Variants in C10orf90 observed in about 807,000 individuals in gnomAD.
C10orf90 encodes (E2-independent) E3 ubiquitin-conjugating enzyme FATS.
Under a neutral mutation model 62.5 loss-of-function variants are expected in C10orf90, and 56 were observed. The ratio of observed to expected loss-of-function variants is 0.90; its 90% CI spans 0.72 to 1.12. The LOEUF (loss-of-function observed/expected upper bound fraction) is 1.12. C10orf90 is among the 50% of genes most tolerant of loss of function. The pLI is 0.00. For synonymous variants in C10orf90, 386 were observed against 340.4 expected, an observed-to-expected ratio of 1.13 and a Z score of -1.47; for missense variants, 970 against 880.4, an observed-to-expected ratio of 1.10 and a Z score of -1.29.
intron 1 of C10orf90, among the ~76,000 whole-genome samples, chr10:126,649,912 G>A (rs927165472): frequency 2.6e-5 from 4 of 151,700 alleles, no homozygotes; most frequent in African/African-American, 9.7e-5. Context: ...GAAGAAAGGA[G>A]AGGAGAAAAG....
At chr10:126,517,707 C>T (rs948531973) in intron 2 of C10orf90, among the ~76,000 whole-genome samples, 5 of 152,044 alleles carry the variant, frequency 3.3e-5, no homozygotes, top group South Asian at 2.1e-4. Flanking sequence ...GTCAAGAGAT[C>T]GAGACCATCC....
chr10:126,504,253 C>T lies in C10orf90; in HGVS notation c.1238G>A (p.Ser413Asn), dbSNP rs1193540903. 4 of 1,614,044 alleles carry T rather than the reference C, an allele frequency of 2.5e-6. No homozygotes were observed. Among genetic ancestry groups the T allele is most frequent in the Non-Finnish European group, 3.4e-6 (4 of 1,180,046 alleles). ...VDGLVNREPISEALKQELLEG... is the reference protein window; with the variant it reads ...VDGLVNREPINEALKQELLEG... ...CAGGAGCTCCTGCTTCAGGGCTTCG[C>T]TTATTGGCTCTCTGTTCACTAGGCC... The change falls in exon 4 of 10, where the codon AGC becomes AAC. Residue 413 changes from serine to asparagine, a missense_variant. Transcript: ENST00000488181. This position sits in a 1 kb window ranked among gnomAD's most constrained non-coding sequence, Gnocchi z 4.1.
intron 4 of C10orf90, among the ~76,000 whole-genome samples, chr10:126,489,828 C>G (rs893811673): frequency 6.7e-6 from 1 of 150,178 alleles, no homozygotes; most frequent in South Asian, 2.1e-4. Context: ...GTGGTAGCAA[C>G]CCAAGTGTCC....
intron 2 of C10orf90, among the ~76,000 whole-genome samples, chr10:126,609,352 G>A (rs181328956): frequency 3.2e-3 from 485 of 152,276 alleles, no homozygotes; most frequent in African/African-American, 7.4e-3. Context: ...GCAGTGAGCC[G>A]AGATCGCGCC....
intron 2 of C10orf90, among the ~76,000 whole-genome samples, chr10:126,561,668 T>G (rs1450613566): frequency 6.6e-6 from 1 of 152,092 alleles, no homozygotes; most frequent in African/African-American, 2.4e-5. Flanking sequence ...GAACTGCAGC[T>G]GCAAATTAAA....
intron 2 of C10orf90, among the ~76,000 whole-genome samples, chr10:126,552,867 AATGGAAAAC>A (rs1864668447): frequency 6.6e-6 from 1 of 152,380 alleles, no homozygotes; most frequent in Non-Finnish European, 1.5e-5. Context: ...AGAATTAATG[AATGGAAAAC>A]ATGGAAAACA....
Position 126,574,842 on chromosome 10 carries a change from T to C in C10orf90, c.314-60903A>G, listed in dbSNP as rs192468953. Among the ~76,000 whole-genome samples, 4 of 152,270 alleles carry C rather than the reference T, an allele frequency of 2.6e-5. No individual in the cohort carries two copies. The East Asian group carries it at 7.7e-4, about 29-fold the overall frequency. The stretch of plus-strand genomic sequence containing the variant: ...ATGGCCATACCACTCTGAATGTGCC[T>C]AATCTCAGAAACTAAGCCTGGTTAG... On this transcript the variant is annotated intron_variant, in intron 2 of 9. Coordinates refer to ENST00000488181, the MANE Select transcript of C10orf90 (RefSeq NM_001350921.2).
At chr10:126,649,222 A>G (rs1000203489) in intron 1 of C10orf90, among the ~76,000 whole-genome samples, 1 of 152,132 alleles carries the variant, frequency 6.6e-6, no homozygotes, top group Admixed American at 6.5e-5. Context: ...TGATTCAGGA[A>G]CTTCTTTCGT....
At chr10:126,474,606 T>C (rs1317850478) in intron 4 of C10orf90, among the ~76,000 whole-genome samples, 3 of 152,190 alleles carry the variant, frequency 2.0e-5, no homozygotes. Flanking sequence ...AGAATACATA[T>C]CTTGGAAAGA....
At chr10:126,500,472 C>G (rs1862312966) in intron 4 of C10orf90, among the ~76,000 whole-genome samples, 1 of 152,108 alleles carries the variant, frequency 6.6e-6, no homozygotes, top group Non-Finnish European at 1.5e-5. Flanking sequence ...GGCCTGGTGC[C>G]TAGGACTTCT....
At chr10:126,478,579 A>G (rs1246095376) in intron 4 of C10orf90, among the ~76,000 whole-genome samples, 1 of 152,186 alleles carries the variant, frequency 6.6e-6, no homozygotes. Flanking sequence ...TAAATCTTTG[A>G]CCCACCTCTC....
At chr10:126,578,456 G>A (rs1300520876) in intron 2 of C10orf90, among the ~76,000 whole-genome samples, 1 of 152,130 alleles carries the variant, frequency 6.6e-6, no homozygotes. Context: ...CCATCAGGAT[G>A]GCTAAAAAGA....
chr10:126,613,863 C>T (rs979976557), intron 2 of C10orf90, among the ~76,000 whole-genome samples: 8 of 152,148 alleles, frequency 5.3e-5, no homozygotes, highest in African/African-American at 1.9e-4. Flanking sequence ...ACAGAAACTG[C>T]GATAATCTGG....
At chr10:126,623,439 A>G (rs960001156) in intron 2 of C10orf90, among the ~76,000 whole-genome samples, 1 of 152,194 alleles carries the variant, frequency 6.6e-6, no homozygotes. Flanking sequence ...TGTATAAGGT[A>G]GTACACCCCG....
At chr10:126,617,254 T>C (rs1321509810) in intron 2 of C10orf90, among the ~76,000 whole-genome samples, 3 of 152,188 alleles carry the variant, frequency 2.0e-5, no homozygotes, top group African/African-American at 7.2e-5. Context: ...TTGGTCCAAT[T>C]TGGTCTCCAA....
intron 8 of C10orf90, among the ~76,000 whole-genome samples, chr10:126,426,942 C>T (rs1857301637): frequency 1.3e-5 from 2 of 152,212 alleles, no homozygotes; most frequent in Admixed American, 6.5e-5. Flanking sequence ...TGAATTATTT[C>T]ATTTCATATT....
At chr10:126,644,076 C>T (rs1846116976) in intron 2 of C10orf90, among the ~76,000 whole-genome samples, 1 of 152,236 alleles carries the variant, frequency 6.6e-6, no homozygotes, top group African/African-American at 2.4e-5. Flanking sequence ...TAGTGAGAAT[C>T]CCTCTGAGCC....
chr10:126,543,103 C>T (rs1383886755), intron 2 of C10orf90, among the ~76,000 whole-genome samples: 1 of 152,112 alleles, frequency 6.6e-6, no homozygotes, highest in African/African-American at 2.4e-5. Context: ...ATATGTGTTT[C>T]GTGTGAACTC....
chr10:126,603,252 C>A (rs1029424177), intron 2 of C10orf90, among the ~76,000 whole-genome samples: 2 of 152,160 alleles, frequency 1.3e-5, no homozygotes, highest in Non-Finnish European at 2.9e-5. Flanking sequence ...AGGAAACTTA[C>A]AATCATGGCA....
Sources: allele counts gnomAD v4.1 joint callset (sites outside exome capture counted in the v4.1 genomes callset), GRCh38; gene constraint gnomAD v4.1.1; non-coding constraint Gnocchi (gnomAD v3.1); transcripts MANE v1.5; gene names NCBI Gene and HGNC (gene_info 2026-07-23, HGNC 2026-07-21).